Variants in IL16 observed in about 807,000 individuals in gnomAD.
The protein encoded by IL16 is interleukin 16, also known as pro-interleukin-16.
IL16 carries 67 observed loss-of-function variants against 110.1 expected under a neutral mutation model. The observed-to-expected ratio is 0.61, with a 90% CI of 0.50 to 0.75. The LOEUF (loss-of-function observed/expected upper bound fraction) is 0.75. IL16 is among the 30% of genes least tolerant of loss of function. IL16 has a pLI of 0.00. For missense variants in IL16, 1,545 were observed against 1,655.0 expected, an observed-to-expected ratio of 0.93 and a Z score of 1.15; for synonymous variants, 689 against 662.9, an observed-to-expected ratio of 1.04 and a Z score of -0.61.
intron 1 of IL16, among the ~76,000 whole-genome samples, chr15:81,209,744 G>A (rs564102210): frequency 3.2e-4 from 48 of 152,262 alleles, no homozygotes; most frequent in Admixed American, 1.1e-3. Flanking sequence ...GGACACTCTA[G>A]TCCATGTCCT....
intron 8 of IL16, among the ~76,000 whole-genome samples, chr15:81,281,699 A>G (rs1265859352): frequency 6.6e-6 from 1 of 152,232 alleles, no homozygotes; most frequent in East Asian, 1.9e-4. Context: ...GCTTTGGTAA[A>G]TCACATTACC....
chr15:81,261,117 G>C (rs1898134904), intron 3 of IL16, among the ~76,000 whole-genome samples: 2 of 152,192 alleles, frequency 1.3e-5, no homozygotes, highest in Admixed American at 1.3e-4. Flanking sequence ...CCCATTCTTT[G>C]CTTTTTTACT....
chr15:81,251,681 A>G (rs142221636), intron 2 of IL16, among the ~76,000 whole-genome samples: 329 of 152,316 alleles, frequency 2.2e-3, no homozygotes, highest in Non-Finnish European at 3.9e-3. Context: ...CTTGTAGACT[A>G]ACTAGATTCT....
intron 10 of IL16, 95 bp downstream of exon 10, chr15:81,285,925 T>C: frequency 7.3e-7 from 1 of 1,378,238 alleles, no homozygotes. Context: ...TGTTGCTGGC[T>C]GGGTTTGTAC....
Position 81,311,872 on chromosome 15 carries a change from GAA to G in IL16, c.*3076_*3077del, listed in dbSNP as rs1368726782. 1 of 152,218 alleles carries G rather than the reference GAA, an allele frequency of 6.6e-6. No homozygotes were observed. The highest frequency in any genetic ancestry group is 1.5e-5 in the Non-Finnish European group (1 of 68,044). 9.4% of individuals were successfully genotyped at this position (152,218 alleles called of 1,614,324 possible). On this transcript the variant is annotated 3_prime_UTR_variant, in exon 19 of 19. Transcript: ENST00000683961. The stretch of plus-strand genomic sequence containing the variant: ...GAATTTGTAGTTGCAATAGAACAGA[GAA>G]AGAGGAAGCTTTCTGTCTCCTTAAC...
At chr15:81,246,146 G>A (rs908661982) in intron 2 of IL16, among the ~76,000 whole-genome samples, 2 of 151,980 alleles carry the variant, frequency 1.3e-5, no homozygotes, top group African/African-American at 4.8e-5. Context: ...TTACAAGCCT[G>A]TAAAAATTAA....
chr15:81,254,517 T>A (rs901274700), intron 2 of IL16, among the ~76,000 whole-genome samples: 4 of 152,198 alleles, frequency 2.6e-5, no homozygotes, highest in Admixed American at 1.3e-4. Context: ...TTGACCCCAT[T>A]TCTCGCTCAG....
intron 18 of IL16, 165 bp downstream of exon 18, chr15:81,306,710 T>C (rs1161621699): frequency 2.7e-5 from 23 of 837,718 alleles, no homozygotes; most frequent in Non-Finnish European, 2.2e-5. Context: ...TTTTCTACTT[T>C]TTCTCCTTTG....
At chr15:81,260,747 A>G (rs1234473992) in intron 3 of IL16, among the ~76,000 whole-genome samples, 2 of 152,250 alleles carry the variant, frequency 1.3e-5, no homozygotes, top group East Asian at 3.8e-4. Flanking sequence ...CTAGTGACCT[A>G]TGTGATCTTG....
chr15:81,239,095 A>G (rs1360225296), intron 2 of IL16, among the ~76,000 whole-genome samples: 5 of 151,334 alleles, frequency 3.3e-5, no homozygotes, highest in Non-Finnish European at 7.4e-5. Flanking sequence ...ATTATGATGT[A>G]TCTAGTTGTT....
At position 81,260,787 on chromosome 15, in the gene IL16, C is replaced by A. The variant is rs747597765; in HGVS notation, c.421+907C>A. On this transcript the variant is annotated intron_variant, in intron 3 of 18. Coordinates refer to ENST00000683961, the MANE Select transcript of IL16 (RefSeq NM_172217.5). Reference sequence around the variant, plus strand: ...AGTCCCCTCTGAGTCTCACATGATTCTGCTGTATGATGCACCATCCTTAGT... The same window carrying A: ...AGTCCCCTCTGAGTCTCACATGATTATGCTGTATGATGCACCATCCTTAGT... Among the ~76,000 whole-genome samples, 141 of 152,180 alleles carry A rather than the reference C, an allele frequency of 9.3e-4. 2 individuals are homozygous for A. Among genetic ancestry groups the A allele is most frequent in the Non-Finnish European group, 1.3e-4 (9 of 68,028 alleles).
intron 1 of IL16, among the ~76,000 whole-genome samples, chr15:81,223,635 T>C (rs1252372644): frequency 2.6e-5 from 4 of 152,242 alleles, no homozygotes; most frequent in Non-Finnish European, 4.4e-5. Context: ...ACAGAGTTTA[T>C]GAGAACTAAA....
intron 2 of IL16, among the ~76,000 whole-genome samples, chr15:81,231,675 C>G (rs1171762112): frequency 6.6e-6 from 1 of 152,162 alleles, no homozygotes; most frequent in South Asian, 2.1e-4. Flanking sequence ...GCTCGGCCTA[C>G]CCAAAGGTCA....
chr15:81,204,092 T>C (rs187915388), intron 1 of IL16, among the ~76,000 whole-genome samples: 11,928 of 151,930 alleles, frequency 0.079, 825 homozygotes, highest in South Asian at 0.3. Flanking sequence ...CAATTGTGAA[T>C]GGGAGTTCAC....
chr15:81,183,780 T>C (rs1895379420), intron 1 of IL16, among the ~76,000 whole-genome samples: 1 of 152,166 alleles, frequency 6.6e-6, no homozygotes, highest in Non-Finnish European at 1.5e-5. Flanking sequence ...CGTGGCCACC[T>C]GGGATGGAAT....
chr15:81,233,603 C>G (rs1897086490), intron 2 of IL16, among the ~76,000 whole-genome samples: 1 of 151,574 alleles, frequency 6.6e-6, no homozygotes. Flanking sequence ...TGCATATACA[C>G]ACACACACAT....
At chr15:81,258,728 G>A (rs1016634394) in intron 2 of IL16, among the ~76,000 whole-genome samples, 4 of 114,920 alleles carry the variant, frequency 3.5e-5, no homozygotes, top group Admixed American at 7.9e-5. Flanking sequence ...ACTCGCGCAC[G>A]CGCTCTCTCT....
intron 3 of IL16, among the ~76,000 whole-genome samples, chr15:81,261,415 G>GACTGA (rs572916480): frequency 1.0e-3 from 159 of 152,286 alleles, no homozygotes; most frequent in Middle Eastern, 0.01. Flanking sequence ...TTCAGTCAAT[G>GACTGA]ACAGGCATCA....
intron 17 of IL16, 26 bp from the exon 18 acceptor site, chr15:81,306,394 T>A (rs966339425): frequency 1.9e-6 from 3 of 1,612,600 alleles, no homozygotes; most frequent in African/African-American, 2.7e-5. Flanking sequence ...AGAGGATCCC[T>A]AACAGAGACC....
Sources: allele counts gnomAD v4.1 joint callset (sites outside exome capture counted in the v4.1 genomes callset), GRCh38; gene constraint gnomAD v4.1.1; transcripts MANE v1.5; gene names NCBI Gene and HGNC (gene_info 2026-07-23, HGNC 2026-07-21).